The following CNTNAP2 variants were observed in gnomAD, a reference collection of about 807,000 sequenced individuals.
CNTNAP2 encodes the protein contactin associated protein 2.
In CNTNAP2, 98 loss-of-function variants were observed where a neutral mutation model predicts 155.2. The ratio of observed to expected loss-of-function variants is 0.63; its 90% CI spans 0.54 to 0.75. The LOEUF (loss-of-function observed/expected upper bound fraction) is 0.75. Ranked by LOEUF, CNTNAP2 falls within the 30% of genes least tolerant of loss-of-function variation. The probability of loss-of-function intolerance (pLI) is 0.00; values close to 1 mark genes in which losing one functional copy is unlikely to be tolerated. For missense variants in CNTNAP2, 1,727 were observed against 1,688.1 expected, an observed-to-expected ratio of 1.02 and a Z score of -0.40; for synonymous variants, 651 against 631.2, an observed-to-expected ratio of 1.03 and a Z score of -0.47.
intron 1 of CNTNAP2, among the ~76,000 whole-genome samples, chr7:146,346,130 C>A (rs1794814972): frequency 6.6e-6 from 1 of 152,174 alleles, no homozygotes; most frequent in African/African-American, 2.4e-5. Flanking sequence ...CACATGAGTT[C>A]TTCCAGAGCA....
chr7:147,747,061 A>G (rs1302807507), intron 13 of CNTNAP2, among the ~76,000 whole-genome samples: 2 of 152,210 alleles, frequency 1.3e-5, no homozygotes, highest in Non-Finnish European at 2.9e-5. Flanking sequence ...GGTTGCAAAT[A>G]TCCTATTTAC....
intron 1 of CNTNAP2, among the ~76,000 whole-genome samples, chr7:146,360,918 C>T (rs1253285085): frequency 1.3e-5 from 2 of 152,166 alleles, no homozygotes; most frequent in Admixed American, 6.5e-5. Flanking sequence ...TTAAGTGATA[C>T]TGAGGTAACT....
At chr7:146,564,677 G>C (rs1170100106) in intron 1 of CNTNAP2, among the ~76,000 whole-genome samples, 1 of 151,024 alleles carries the variant, frequency 6.6e-6, no homozygotes, top group East Asian at 1.9e-4. Context: ...AATTTTATTT[G>C]AGGAACTCAT....
chr7:148,038,755 C>G (rs1004653845), intron 15 of CNTNAP2, among the ~76,000 whole-genome samples: 1 of 151,556 alleles, frequency 6.6e-6, no homozygotes, highest in African/African-American at 2.4e-5. Flanking sequence ...TAACTGACTC[C>G]ATTAAAGCAA....
At chr7:147,459,609 G>C (rs184683411) in intron 10 of CNTNAP2, among the ~76,000 whole-genome samples, 1 of 152,164 alleles carries the variant, frequency 6.6e-6, no homozygotes, top group Non-Finnish European at 1.5e-5. Context: ...AGAGAGGAAA[G>C]AAGATGCTAC....
rs61695156 is a variant in CNTNAP2 at position 147,394,807 on chromosome 7, TTGTGTG to T, written c.1499-766_1499-761del. On this transcript the variant is annotated intron_variant, in intron 9 of 23. Transcript: ENST00000361727. ...CTATTTCCTAATAGAATCAACAGTA[TTGTGTG>T]TGTGTGTGTGTGTGTGTGTGTGTGT... Among the ~76,000 whole-genome samples, 348 of 139,344 alleles carry T rather than the reference TTGTGTG, an allele frequency of 2.5e-3. 1 individual carries two copies. Among genetic ancestry groups the T allele is most frequent in the South Asian group, 5.5e-3 (23 of 4,170 alleles). The allele number at this position is 139,344 out of a possible 152,430, so 91.4% of individuals were successfully genotyped here. A position where few individuals can be genotyped will look rare whatever the true frequency, so the allele number is the denominator to read the frequency against.
At chr7:147,550,309 T>C (rs1192763623) in intron 11 of CNTNAP2, among the ~76,000 whole-genome samples, 1 of 152,160 alleles carries the variant, frequency 6.6e-6, no homozygotes, top group Non-Finnish European at 1.5e-5. Flanking sequence ...CAGGTGGAAA[T>C]GATTGAATCA....
chr7:147,382,252 A>G (rs943132259), intron 9 of CNTNAP2, among the ~76,000 whole-genome samples: 1 of 152,166 alleles, frequency 6.6e-6, no homozygotes, highest in Non-Finnish European at 1.5e-5. Context: ...TAACAGGATC[A>G]GATTAATATT....
At chr7:146,861,288 G>A (rs1354753079) in intron 3 of CNTNAP2, among the ~76,000 whole-genome samples, 3 of 151,984 alleles carry the variant, frequency 2.0e-5, no homozygotes, top group Non-Finnish European at 2.9e-5. Flanking sequence ...CCTGACCTCA[G>A]GAGATCCACC....
chr7:146,813,327 G>A (rs769008074), intron 2 of CNTNAP2, among the ~76,000 whole-genome samples: 10 of 152,114 alleles, frequency 6.6e-5, no homozygotes, highest in Admixed American at 2.0e-4. Context: ...AAGTCACAGG[G>A]GCGGAGCTCC....
intron 3 of CNTNAP2, among the ~76,000 whole-genome samples, chr7:147,021,205 T>C (rs1798812145): frequency 6.6e-6 from 1 of 152,104 alleles, no homozygotes; most frequent in African/African-American, 2.4e-5. Context: ...TTTTGGCAAT[T>C]CTTTTTTAGC....
intron 8 of CNTNAP2, among the ~76,000 whole-genome samples, chr7:147,160,716 T>C (rs1802008619): frequency 6.6e-6 from 1 of 152,142 alleles, no homozygotes; most frequent in Admixed American, 6.6e-5. Context: ...GATTGTTTAC[T>C]TATTTTTATT....
chr7:146,174,819 G>C (rs1269244809), intron 1 of CNTNAP2, among the ~76,000 whole-genome samples: 3 of 152,092 alleles, frequency 2.0e-5, no homozygotes, highest in Admixed American at 2.0e-4. Flanking sequence ...CTCCAGCCCA[G>C]GCGGCAGAGC....
chr7:147,459,378 A>G lies in CNTNAP2; in HGVS notation c.1671-26557A>G, dbSNP rs115224911. ...CTGCTAGAAAAGTAGCCCTTTACCTATGACAGAATGGTGGTTTCCAGAATG... is the reference window on the plus strand; with the variant it reads ...CTGCTAGAAAAGTAGCCCTTTACCTGTGACAGAATGGTGGTTTCCAGAATG... On this transcript the variant is annotated intron_variant, in intron 10 of 23. Coordinates refer to ENST00000361727, the MANE Select transcript of CNTNAP2 (RefSeq NM_014141.6). Among the ~76,000 whole-genome samples the G allele has an allele frequency of 8.5e-4, 129 of 152,182 alleles. 2 individuals are homozygous for G. Among genetic ancestry groups the G allele is most frequent in the African/African-American group, 2.9e-3 (119 of 41,510 alleles).
At chr7:146,214,182 C>A (rs113939162) in intron 1 of CNTNAP2, among the ~76,000 whole-genome samples, 2,316 of 152,258 alleles carry the variant, frequency 0.015, 50 homozygotes, top group African/African-American at 0.052. Context: ...AAAACTCAGA[C>A]CCCACAATAC....
chr7:147,333,060 T>C (rs1207208919), intron 9 of CNTNAP2, among the ~76,000 whole-genome samples: 1 of 152,148 alleles, frequency 6.6e-6, no homozygotes, highest in Non-Finnish European at 1.5e-5. Flanking sequence ...TCAAATTTAT[T>C]TGACCCTTTT....
chr7:148,331,568 GTGGATGGATGGAA>G (rs1424332339), intron 21 of CNTNAP2, among the ~76,000 whole-genome samples: 100 of 6,962 alleles, frequency 0.014, 8 homozygotes, highest in African/African-American at 0.054. Context: ...GACGGATGGA[GTGGATGGATGGAA>G]TGGATGGATG....
intron 1 of CNTNAP2, among the ~76,000 whole-genome samples, chr7:146,686,845 A>G (rs564708623): frequency 1.3e-5 from 2 of 152,322 alleles, no homozygotes; most frequent in African/African-American, 4.8e-5. Context: ...GCTTTGGAAC[A>G]GATTCAGCCA....
In CNTNAP2 at chr7:146,633,446, C is replaced by A. The variant is rs537070548; in HGVS notation, c.98-140825C>A. On this transcript the variant is annotated intron_variant, in intron 1 of 23. Coordinates refer to ENST00000361727, the MANE Select transcript of CNTNAP2 (RefSeq NM_014141.6). ...ATGACATTAAGGAGATAGCTTTGTT[C>A]TGTAAATGGATAGGATACCATATGG... is the stretch of plus-strand genomic sequence containing the variant. Among the ~76,000 whole-genome samples the A allele has an allele frequency of 1.5e-4, 23 of 152,156 alleles. No individual in the cohort carries two copies. In the South Asian group the frequency reaches 4.6e-3, roughly 30 times the overall value.
Sources: gnomAD v4.1 joint callset for allele counts (sites outside exome capture counted in the v4.1 genomes callset) on GRCh38, gnomAD v4.1.1 for gene constraint, MANE v1.5 for transcripts, NCBI Gene and HGNC (gene_info 2026-07-23, HGNC 2026-07-21) for gene names.